DRC8: variants seen among roughly 807,000 people sequenced by gnomAD.
DRC8 encodes dynein regulatory complex protein 8.
the DRC8 span, among the ~76,000 whole-genome samples, chr1:245,041,068 G>A: frequency 2.0e-5 from 3 of 152,172 alleles, no homozygotes; most frequent in Admixed American, 6.5e-5. Context: ...TAGGTGGGAT[G>A]GAATAGTTTA....
At chr1:244,972,515 T>C in the DRC8 span, among the ~76,000 whole-genome samples, 2 of 152,170 alleles carry the variant, frequency 1.3e-5, no homozygotes, top group Non-Finnish European at 1.5e-5. Context: ...GTAGGTGATT[T>C]GTATGTACAT....
the DRC8 span, among the ~76,000 whole-genome samples, chr1:245,057,313 T>C: frequency 6.6e-6 from 1 of 152,218 alleles, no homozygotes; most frequent in East Asian, 1.9e-4. Context: ...TTTTGCCCTT[T>C]TAATGGCAAA....
chr1:245,040,869 A>C, the DRC8 span, among the ~76,000 whole-genome samples: 1 of 152,244 alleles, frequency 6.6e-6, no homozygotes, highest in Non-Finnish European at 1.5e-5. Flanking sequence ...TAGCAATGAA[A>C]GCCAAAGCCT....
the DRC8 span, among the ~76,000 whole-genome samples, chr1:244,997,164 G>C: frequency 2.0e-5 from 3 of 152,182 alleles, no homozygotes; most frequent in Admixed American, 6.5e-5. Context: ...TGGGTGTACA[G>C]AGGGCTGATT....
At chr1:245,118,098 G>C in the DRC8 span, among the ~76,000 whole-genome samples, 1 of 152,130 alleles carries the variant, frequency 6.6e-6, no homozygotes, top group Non-Finnish European at 1.5e-5. Context: ...ACAAAACTAC[G>C]TGATGGGCCT....
At chr1:245,124,317 T>C in the DRC8 span, 1 of 152,258 alleles carries the variant, frequency 6.6e-6, no homozygotes, top group African/African-American at 2.4e-5. Flanking sequence ...GCTCTTCTCA[T>C]GGTATGAGCA....
chr1:245,110,440 G>A, the DRC8 span, among the ~76,000 whole-genome samples: 2 of 152,148 alleles, frequency 1.3e-5, no homozygotes, highest in Non-Finnish European at 1.5e-5. Context: ...AATGAATGTT[G>A]ACTTTGTTTC....
chr1:245,005,146 A>G, the DRC8 span, among the ~76,000 whole-genome samples: 1 of 152,100 alleles, frequency 6.6e-6, no homozygotes, highest in African/African-American at 2.4e-5. Flanking sequence ...ATAATCCCCC[A>G]TAAAGTGGCT....
the DRC8 span, among the ~76,000 whole-genome samples, chr1:245,054,042 A>G: frequency 6.6e-6 from 1 of 151,950 alleles, no homozygotes; most frequent in African/African-American, 2.4e-5. Context: ...CAGTAGCATT[A>G]AAATATGCTC....
chr1:244,981,054 G>A, the DRC8 span, among the ~76,000 whole-genome samples: 3 of 152,072 alleles, frequency 2.0e-5, no homozygotes, highest in African/African-American at 7.2e-5. Flanking sequence ...GTGGTGGCAG[G>A]CGTCTGTAAT....
the DRC8 span, among the ~76,000 whole-genome samples, chr1:244,999,058 C>CAAAAAAAAAAAAAA: frequency 3.6e-5 from 3 of 83,684 alleles, no homozygotes; most frequent in Non-Finnish European, 4.6e-5. Flanking sequence ...GATCCTGGGT[C>CAAAAAAAAAAAAAA]AAAAAAAAAA....
chr1:245,010,541 CT>C, the DRC8 span, among the ~76,000 whole-genome samples: 2 of 152,182 alleles, frequency 1.3e-5, no homozygotes, highest in Non-Finnish European at 2.9e-5. Flanking sequence ...CCTGGTCCCC[CT>C]GTGGGAAGCT....
At chr1:245,031,929 C>T in the DRC8 span, among the ~76,000 whole-genome samples, 36 of 152,240 alleles carry the variant, frequency 2.4e-4, 1 homozygote, top group East Asian at 5.8e-3. Context: ...TAGATTCATG[C>T]GAGAGTTCCA....
the DRC8 span, among the ~76,000 whole-genome samples, chr1:244,983,514 C>T: frequency 3.3e-5 from 5 of 151,760 alleles, no homozygotes; most frequent in African/African-American, 7.3e-5. Context: ...CTGAGGTGGG[C>T]GGACCACTTG....
At chr1:245,017,415 T>C in the DRC8 span, 2 of 1,282,370 alleles carry the variant, frequency 1.6e-6, no homozygotes, top group Non-Finnish European at 2.1e-6. Context: ...TTTTACACTG[T>C]ACCTTGGATT....
the DRC8 span, among the ~76,000 whole-genome samples, chr1:244,995,646 C>A: frequency 6.6e-6 from 1 of 152,130 alleles, no homozygotes; most frequent in Non-Finnish European, 1.5e-5. Flanking sequence ...ACCGAGCCCA[C>A]CCATCTCTTG....
At chr1:244,975,512 T>C in the DRC8 span, among the ~76,000 whole-genome samples, 12 of 152,190 alleles carry the variant, frequency 7.9e-5, no homozygotes, top group Non-Finnish European at 1.8e-4. Context: ...AATGTTGTAA[T>C]GGGGACAATG....
chr1:244,996,391 T>A, the DRC8 span, among the ~76,000 whole-genome samples: 29 of 152,262 alleles, frequency 1.9e-4, no homozygotes, highest in Middle Eastern at 3.4e-3. Flanking sequence ...GAAAGGGGAC[T>A]GCACGAATGT....
At chr1:244,976,162 T>C in the DRC8 span, among the ~76,000 whole-genome samples, 1 of 151,230 alleles carries the variant, frequency 6.6e-6, no homozygotes, top group Admixed American at 6.6e-5. Flanking sequence ...CCAGCTACTC[T>C]AGAGGTTGAG....
Sources: allele counts gnomAD v4.1 joint callset (sites outside exome capture counted in the v4.1 genomes callset), GRCh38; gene constraint gnomAD v4.1.1; transcripts MANE v1.5; gene names NCBI Gene and HGNC (gene_info 2026-07-23, HGNC 2026-07-21).